DOCK7: variants seen among roughly 807,000 people sequenced by gnomAD.
The protein encoded by DOCK7 is dedicator of cytokinesis protein 7.
DOCK7 carries 138 observed loss-of-function variants against 271.0 expected under a neutral mutation model. The ratio of observed to expected loss-of-function variants is 0.51; its 90% confidence interval spans 0.44 to 0.59. The LOEUF (loss-of-function observed/expected upper bound fraction) is 0.59. DOCK7 is among the 20% of genes least tolerant of loss of function. The probability of loss-of-function intolerance (pLI) is 0.00; values close to 1 mark genes in which losing one functional copy is unlikely to be tolerated. For synonymous variants in DOCK7, 823 were observed against 876.1 expected (o/e 0.94, Z 1.07); for missense variants, 2,066 against 2,592.4 (o/e 0.80, Z 4.41).
chr1:62,510,112 G>T (rs1409425620), intron 34 of DOCK7, among the ~76,000 whole-genome samples: 1 of 152,224 alleles, frequency 6.6e-6, no homozygotes, highest in Non-Finnish European at 1.5e-5. Flanking sequence ...GAAGATTCAT[G>T]TAAGTGTATT....
intron 48 of DOCK7, among the ~76,000 whole-genome samples, chr1:62,468,009 T>C (rs1361427226): frequency 2.0e-5 from 3 of 152,082 alleles, no homozygotes; most frequent in African/African-American, 7.2e-5. Flanking sequence ...AAAAATCACA[T>C]GATTATCTCC....
intron 14 of DOCK7, chr1:62,597,931 C>T: frequency 1.9e-6 from 3 of 1,550,132 alleles, no homozygotes; most frequent in Non-Finnish European, 2.6e-6. Context: ...GAACTCAACT[C>T]AAAACTTGAA....
Position 62,583,190 on chromosome 1 carries a change from T to C in DOCK7, c.1865A>G (p.His622Arg). 3 of 1,611,288 alleles carry C rather than the reference T, an allele frequency of 1.9e-6. No homozygotes were observed. Among genetic ancestry groups the C allele is most frequent in the Non-Finnish European group, 1.7e-6 (2 of 1,177,818 alleles). ...AAATATTTGAATTCAGTACCTGTTA[T>C]GATATACTACGGCTGTATAGGCTTC... is the stretch of plus-strand genomic sequence containing the variant. ...SKEAYTAVVYHNRSPDFHEEI... is the reference protein window; with the variant it reads ...SKEAYTAVVYRNRSPDFHEEI... The change falls in exon 16 of 50, where the codon CAT (histidine) becomes CGT (arginine). Residue 622 changes from histidine (H) to arginine (R), a missense_variant. His to Arg is a conservative substitution (Grantham distance 29). Around this residue, in one of 2 missense-constraint regions of DOCK7, gnomAD observed 1,414 missense variants for 1,670.4 expected, o/e 0.85. Transcript: ENST00000635253.
At chr1:62,548,984 T>A (rs535419648) in intron 22 of DOCK7, among the ~76,000 whole-genome samples, 1 of 152,280 alleles carries the variant, frequency 6.6e-6, no homozygotes, top group African/African-American at 2.4e-5. Context: ...TTGGGAATCA[T>A]TAGCATAACA....
At chr1:62,542,013 A>G (rs1645550381) in intron 25 of DOCK7, among the ~76,000 whole-genome samples, 1 of 152,124 alleles carries the variant, frequency 6.6e-6, no homozygotes, top group Non-Finnish European at 1.5e-5. Context: ...ATGGAACTAC[A>G]GGTTTGTGCC....
chr1:62,510,476 G>A (rs1571343297), intron 34 of DOCK7, 101 bp downstream of exon 34: 3 of 778,064 alleles, frequency 3.9e-6, no homozygotes, highest in Non-Finnish European at 5.9e-6. Flanking sequence ...TTTATTAAGT[G>A]TAAATACTAA....
chr1:62,624,246 G>A (rs139912872), intron 12 of DOCK7, among the ~76,000 whole-genome samples: 1 of 152,038 alleles, frequency 6.6e-6, no homozygotes, highest in South Asian at 2.1e-4. Context: ...GGGAGGGGGG[G>A]AACGACTCCC....
intron 14 of DOCK7, chr1:62,605,291 T>C (rs1473018751): frequency 6.4e-6 from 1 of 155,284 alleles, no homozygotes; most frequent in East Asian, 1.9e-4. Flanking sequence ...CTAAAAATCG[T>C]CAGCACAGAG....
intron 33 of DOCK7, among the ~76,000 whole-genome samples, chr1:62,511,959 A>T (rs1430248317): frequency 6.6e-6 from 1 of 152,178 alleles, no homozygotes; most frequent in African/African-American, 2.4e-5. Context: ...TAGAAATGTA[A>T]ATAAGAATTA....
intron 48 of DOCK7, among the ~76,000 whole-genome samples, chr1:62,462,377 C>T (rs1296882428): frequency 2.0e-5 from 3 of 152,276 alleles, no homozygotes; most frequent in Admixed American, 6.5e-5. Flanking sequence ...TGCTCTGCCA[C>T]ACGGCAAAGC....
At chr1:62,499,103 C>T (rs964283630) in intron 37 of DOCK7, among the ~76,000 whole-genome samples, 3 of 152,150 alleles carry the variant, frequency 2.0e-5, no homozygotes, top group African/African-American at 7.2e-5. Context: ...CGTCCAGCCA[C>T]CTATTCCTTT....
intron 1 of DOCK7, among the ~76,000 whole-genome samples, chr1:62,687,211 A>C (rs1459968659): frequency 1.3e-5 from 2 of 152,240 alleles, no homozygotes; most frequent in Non-Finnish European, 1.5e-5. Flanking sequence ...CACAAATATG[A>C]TTTTATTAAA....
chr1:62,686,041 A>G (rs1221852809), intron 1 of DOCK7, among the ~76,000 whole-genome samples: 1 of 152,222 alleles, frequency 6.6e-6, no homozygotes, highest in Non-Finnish European at 1.5e-5. Flanking sequence ...TAATAGACAT[A>G]CAATTTCATA....
chr1:62,545,909 G>A (rs1645691042), intron 22 of DOCK7, among the ~76,000 whole-genome samples: 1 of 152,000 alleles, frequency 6.6e-6, no homozygotes, highest in African/African-American at 2.4e-5. Context: ...TCAGATCCTG[G>A]GCTCTATCTC....
intron 19 of DOCK7, among the ~76,000 whole-genome samples, chr1:62,560,271 G>T (rs2131925): frequency 0.58 from 88,038 of 151,992 alleles, 27,295 homozygotes; most frequent in East Asian, 0.76. Flanking sequence ...GGTTAGTGAA[G>T]CCCTGAATTT....
At position 62,688,257 on chromosome 1, in the gene DOCK7, TCGGCCATGGCTGCTG is replaced by T; in HGVS notation, c.-8_7del. The T allele has an allele frequency of 7.3e-7, 1 of 1,361,760 alleles. No homozygotes were observed. The highest frequency in any genetic ancestry group is 9.6e-7 in the Non-Finnish European group (1 of 1,043,452). The allele number at this position is 1,361,760 out of a possible 1,614,324, so 84.4% of individuals were successfully genotyped here. A position where few individuals can be genotyped will look rare whatever the true frequency, so the allele number is the denominator to read the frequency against. ...GATCTTCTGGGCGAAGGCGCGGCGC[TCGGCCATGGCTGCTG>T]CGGCGACGGCGACGGCGGCGGCGGC... On this transcript the variant is annotated start_lost and 5_prime_UTR_variant, in exon 1 of 50. Coordinates refer to ENST00000635253, the MANE Select transcript of DOCK7 (RefSeq NM_001367561.1).
intron 31 of DOCK7, among the ~76,000 whole-genome samples, chr1:62,527,717 G>A (rs1472665504): frequency 1.1e-4 from 16 of 144,082 alleles, no homozygotes; most frequent in East Asian, 4.2e-4. Flanking sequence ...ATCACATACC[G>A]GGGCCTGTTG....
chr1:62,530,017 G>C (rs1044683407), intron 29 of DOCK7, among the ~76,000 whole-genome samples: 1 of 152,064 alleles, frequency 6.6e-6, no homozygotes, highest in African/African-American at 2.4e-5. Flanking sequence ...GTTTCAAATG[G>C]GCTAATACAC....
chr1:62,578,949 T>C lies in DOCK7; in HGVS notation c.1889A>G (p.Glu630Gly). ...AGCAGGAAGCTTAACCTTGATTTCTTCATGAAAATCAGGAGACCTTCATAC... is the reference window on the plus strand; with the variant it reads ...AGCAGGAAGCTTAACCTTGATTTCTCCATGAAAATCAGGAGACCTTCATAC... ...VYHNRSPDFH[E>G]EIKVKLPATL... The change falls in exon 17 of 50, where the codon GAA becomes GGA. Residue 630 changes from glutamate (E) to glycine (G), a missense_variant. This residue lies in a region of DOCK7 where 1,414 missense variants were observed against 1,670.4 expected (regional missense o/e 0.85). Coordinates refer to ENST00000635253, the MANE Select transcript of DOCK7 (RefSeq NM_001367561.1). 3 of 1,577,768 alleles carry C rather than the reference T, an allele frequency of 1.9e-6. No individual in the cohort carries two copies. The highest frequency in any genetic ancestry group is 2.6e-6 in the Non-Finnish European group (3 of 1,167,678).
Sources: allele counts gnomAD v4.1 joint callset (sites outside exome capture counted in the v4.1 genomes callset), GRCh38; gene constraint gnomAD v4.1.1; regional missense constraint gnomAD v4.1.1; transcripts MANE v1.5; gene names NCBI Gene and HGNC (gene_info 2026-07-23, HGNC 2026-07-21).